Variants in IGLL1 observed in about 807,000 individuals in gnomAD.
IGLL1 encodes the protein immunoglobulin lambda-like polypeptide 1.
IGLL1 carries 10 observed loss-of-function variants against 10.5 expected under a neutral mutation model. That is an observed-to-expected ratio of 0.95 (90% CI 0.59 to 1.62). The LOEUF (loss-of-function observed/expected upper bound fraction) is 1.62, where lower values mean the gene tolerates loss of function less well. Among genes scored for constraint, IGLL1 ranks in the 40% most tolerant of loss-of-function variants. The pLI is 0.00. For missense variants in IGLL1, 284 were observed against 278.7 expected, an observed-to-expected ratio of 1.02 and a Z score of -0.14; for synonymous variants, 141 against 122.7, an observed-to-expected ratio of 1.15 and a Z score of -0.99.
chr22:23,576,892 T>C (rs935614095), intron 1 of IGLL1, among the ~76,000 whole-genome samples: 5 of 151,918 alleles, frequency 3.3e-5, no homozygotes, highest in Non-Finnish European at 5.9e-5. Context: ...TTAACTACAG[T>C]CCCCCATTCT....
intron 1 of IGLL1, 112 bp downstream of exon 1, chr22:23,579,873 C>T (rs974180731): frequency 1.1e-5 from 9 of 798,772 alleles, no homozygotes; most frequent in South Asian, 3.6e-5. Flanking sequence ...TCTGTGGCTC[C>T]CCTCCAGGGA....
chr22:23,575,743 C>T (rs952387125), intron 1 of IGLL1, among the ~76,000 whole-genome samples: 1 of 152,222 alleles, frequency 6.6e-6, no homozygotes, highest in Non-Finnish European at 1.5e-5. Context: ...CTCTCACCCC[C>T]ATCTCTCCCA....
rs778484896 is a variant in IGLL1 at position 23,573,420 on chromosome 22, G to T, written c.488C>A (p.Thr163Asn). 3 of 1,613,994 alleles carry T rather than the reference G, an allele frequency of 1.9e-6. No individual in the cohort carries two copies. The highest frequency in any genetic ancestry group is 2.5e-6 in the Non-Finnish European group (3 of 1,179,924). Residue 163 changes from threonine to asparagine, a missense_variant, in exon 3 of 3, where the codon ACC becomes AAC. Transcript: ENST00000330377. ...GTTGTTGCTCTGTTTGGAGGGCGTG[G>T]TCATCTCCACGCCCTGGGTGATGGG... is the stretch of plus-strand genomic sequence containing the variant. ...GTPITQGVEM[T>N]TPSKQSNNKY... is the part of the protein sequence containing the mutation.
intron 2 of IGLL1, among the ~76,000 whole-genome samples, chr22:23,574,094 C>T (rs1483262300): frequency 6.7e-6 from 1 of 150,328 alleles, no homozygotes; most frequent in Non-Finnish European, 1.5e-5. Flanking sequence ...CGCCCCTGTC[C>T]CCACCAGCCC....
At chr22:23,574,527 C>T (rs1312232950) in intron 2 of IGLL1, among the ~76,000 whole-genome samples, 2 of 152,172 alleles carry the variant, frequency 1.3e-5, no homozygotes, top group African/African-American at 2.4e-5. Flanking sequence ...CCATTGGTCT[C>T]CCCTGGGGGT....
In IGLL1 at chr22:23,580,024, C is replaced by T. The variant is rs766536756; in HGVS notation, c.167G>A (p.Gly56Glu). The T allele has an allele frequency of 6.3e-7, 1 of 1,581,070 alleles. No individual in the cohort carries two copies. Among genetic ancestry groups the T allele is most frequent in the Non-Finnish European group, 8.6e-7 (1 of 1,167,240 alleles). Residue 56 changes from glycine to glutamate, a missense_variant, in exon 1 of 3, where the codon GGA (glycine) becomes GAA (glutamate). Transcript: ENST00000330377. ...CCTCAGGCTGGACCGGCTGCTTCCTCCAGGGGCTCCAGGGCCCAGGGCCCT... is the reference window on the plus strand; with the variant it reads ...CCTCAGGCTGGACCGGCTGCTTCCTTCAGGGGCTCCAGGGCCCAGGGCCCT... ...QSRALGPGAP[G>E]GSSRSSLRSR...
chr22:23,573,502 G>A lies in IGLL1; in HGVS notation c.406C>T (p.Leu136Phe). The A allele has an allele frequency of 6.2e-7, 1 of 1,613,958 alleles. No homozygotes were observed. Reference sequence around the variant, plus strand: ...ATTCCCGGATAAAAGTCATTCATGAGACACACCAGTGTAGCCTTGTTGGCT... The same window carrying A: ...ATTCCCGGATAAAAGTCATTCATGAAACACACCAGTGTAGCCTTGTTGGCT... ...LQANKATLVC[L>F]MNDFYPGILT... The change falls in exon 3 of 3, where the codon CTC becomes TTC. Residue 136 changes from leucine (L) to phenylalanine (F), a missense_variant. Transcript: ENST00000330377.
chr22:23,580,160 CA>C lies in IGLL1; in HGVS notation c.30del (p.Glu11ArgfsTer24). 1.3e-6 allele frequency: 2 copies of C among 1,547,172 alleles called. No individual in the cohort carries two copies. The highest frequency in any genetic ancestry group is 1.2e-5 in the South Asian group (1 of 84,386). On this transcript the variant is annotated frameshift_variant, in exon 1 of 3. Coordinates refer to ENST00000330377, the MANE Select transcript of IGLL1 (RefSeq NM_020070.4). LOFTEE classifies it high-confidence loss of function. ...TTGGGGCCTGGCTCACCAGGGGCCT[CA>C]AGGCCCCCCTGGCCTGTCCCTGGCC... The part of the protein sequence containing the change: MRPGTGQGG[L>X]EAPGEPGPNL...
chr22:23,574,142 C>T lies in IGLL1; in HGVS notation c.323-557G>A, dbSNP rs568556032. Among the ~76,000 whole-genome samples the T allele has an allele frequency of 6.8e-4, 96 of 140,812 alleles. 8 individuals are homozygous for T. The highest frequency in any genetic ancestry group is 2.6e-3 in the African/African-American group (82 of 31,458). 92.4% of individuals were successfully genotyped at this position (140,812 alleles called of 152,430 possible). On this transcript the variant is annotated intron_variant, in intron 2 of 2. Transcript: ENST00000330377. ...CTTCACATCGGCTGGGTTCTTGGGG[C>T]TGCTCCCCCAGACTTTGGGGCACCG... is the stretch of plus-strand genomic sequence containing the variant.
intron 1 of IGLL1, among the ~76,000 whole-genome samples, chr22:23,576,709 G>A (rs1479046476): frequency 6.6e-6 from 1 of 152,150 alleles, no homozygotes. Flanking sequence ...TGGGATTATA[G>A]GTGTGAGCCA....
At position 23,573,483 on chromosome 22, in the gene IGLL1, G is replaced by C; in HGVS notation, c.425C>G (p.Pro142Arg). The C allele has an allele frequency of 6.2e-7, 1 of 1,613,078 alleles. No individual in the cohort carries two copies. The highest frequency in any genetic ancestry group is 8.5e-7 in the Non-Finnish European group (1 of 1,179,272). Residue 142 changes from proline to arginine, a missense_variant, in exon 3 of 3, where the codon CCG becomes CGG. Transcript: ENST00000330377. ...TLVCLMNDFY[P>R]GILTVTWKAD... ...CTTCCAGGTCACCGTCAAGATTCCCGGATAAAAGTCATTCATGAGACACAC... is the reference window on the plus strand; with the variant it reads ...CTTCCAGGTCACCGTCAAGATTCCCCGATAAAAGTCATTCATGAGACACAC...
Position 23,580,045 on chromosome 22 carries a change from G to T in IGLL1, c.146C>A (p.Ala49Asp). The stretch of plus-strand genomic sequence containing the variant: ...TCCTCCAGGGGCTCCAGGGCCCAGG[G>T]CCCTGCTCTGCGATGCAGCTGTTGG... ...LRPTAASQSR[A>D]LGPGAPGGSS... Residue 49 changes from alanine to aspartate, a missense_variant, in exon 1 of 3, where the codon GCC (alanine) becomes GAC (aspartate). Physicochemically the swap from Ala to Asp is moderately radical, Grantham distance 126 (BLOSUM62 -2). Transcript: ENST00000330377. 1 of 1,575,658 alleles carries T rather than the reference G, an allele frequency of 6.3e-7. No individual in the cohort carries two copies. The highest frequency in any genetic ancestry group is 8.6e-7 in the Non-Finnish European group (1 of 1,163,826).
At chr22:23,579,594 G>T (rs546041388) in intron 1 of IGLL1, among the ~76,000 whole-genome samples, 81 of 151,932 alleles carry the variant, frequency 5.3e-4, no homozygotes, top group South Asian at 3.7e-3. Flanking sequence ...AGAGGAGGGG[G>T]GGGAGGAGGA....
chr22:23,579,565 G>A (rs1415361125), intron 1 of IGLL1, among the ~76,000 whole-genome samples: 1 of 146,212 alleles, frequency 6.8e-6, no homozygotes, highest in Non-Finnish European at 1.5e-5. Context: ...GTGGACAGGT[G>A]ACATAGGCCA....
In IGLL1 at chr22:23,573,417, G is replaced by T. The variant is rs141766631; in HGVS notation, c.491C>A (p.Thr164Lys). The change falls in exon 3 of 3, where the codon ACG (threonine) becomes AAG (lysine). Residue 164 changes from threonine to lysine, a missense_variant. Physicochemically the swap from Thr to Lys is moderately conservative, Grantham distance 78. Transcript: ENST00000330377. Reference sequence around the variant, plus strand: ...CTTGTTGTTGCTCTGTTTGGAGGGCGTGGTCATCTCCACGCCCTGGGTGAT... The same window carrying T: ...CTTGTTGTTGCTCTGTTTGGAGGGCTTGGTCATCTCCACGCCCTGGGTGAT... ...TPITQGVEMT[T>K]PSKQSNNKYA... The T allele has an allele frequency of 6.2e-7, 1 of 1,613,928 alleles. No homozygotes were observed. Among genetic ancestry groups the T allele is most frequent in the African/African-American group, 1.3e-5 (1 of 74,908 alleles).
At chr22:23,574,185 C>G (rs1033738100) in intron 2 of IGLL1, among the ~76,000 whole-genome samples, 1 of 148,590 alleles carries the variant, frequency 6.7e-6, no homozygotes, top group African/African-American at 2.6e-5. Context: ...CATGCCCACC[C>G]CAGCAGCCTC....
At chr22:23,576,360 C>CCA (rs1925066566) in intron 1 of IGLL1, among the ~76,000 whole-genome samples, 3 of 67,110 alleles carry the variant, frequency 4.5e-5, no homozygotes, top group Admixed American at 3.8e-4. Flanking sequence ...AAGACTGTCC[C>CCA]AAAAAAAAAA....
Position 23,573,237 on chromosome 22 carries a change from C to T in IGLL1, c.*29G>A, listed in dbSNP as rs879057154. ...TCCCCTGGGATCCTGCAGCTCCAGG[C>T]CCCTTTGGGTGGGGTCGGGGCTGGG... is the stretch of plus-strand genomic sequence containing the variant. On this transcript the variant is annotated 3_prime_UTR_variant, in exon 3 of 3. Coordinates refer to ENST00000330377, the MANE Select transcript of IGLL1 (RefSeq NM_020070.4). 3 of 1,608,826 alleles carry T rather than the reference C, an allele frequency of 1.9e-6. No homozygotes were observed. Among genetic ancestry groups the T allele is most frequent in the Middle Eastern group, 1.7e-4 (1 of 5,830 alleles).
In IGLL1 at chr22:23,580,169, C is replaced by A; in HGVS notation, c.22G>T (p.Gly8Trp). MRPGTGQ[G>W]GLEAPGEPGP... ...GGCTCACCAGGGGCCTCAAGGCCCC[C>A]CTGGCCTGTCCCTGGCCTCATCGGC... The change falls in exon 1 of 3, where the codon GGG becomes TGG. Residue 8 changes from glycine to tryptophan, a missense_variant. Coordinates refer to ENST00000330377, the MANE Select transcript of IGLL1 (RefSeq NM_020070.4). 6.5e-7 allele frequency: 1 copy of A among 1,543,614 alleles called. No homozygotes were observed.
Sources: gnomAD v4.1 joint callset for allele counts (sites outside exome capture counted in the v4.1 genomes callset) on GRCh38, gnomAD v4.1.1 for gene constraint, MANE v1.5 for transcripts, NCBI Gene and HGNC (gene_info 2026-07-23, HGNC 2026-07-21) for gene names.